MYO15B: variants seen among roughly 807,000 people sequenced by gnomAD.
The protein encoded by MYO15B is myosin XVB.
A neutral mutation model predicts 119.3 loss-of-function variants in MYO15B; 207 were observed. The ratio of observed to expected loss-of-function variants is 1.73; its 90% CI spans 1.55 to 1.95. The LOEUF is 1.95. Ranked by LOEUF, MYO15B falls within the 30% of genes most tolerant of loss-of-function variation. MYO15B has a pLI of 0.00. For synonymous variants in MYO15B, 966 were observed against 498.9 expected (o/e 1.94, Z -12.48); for missense variants, 2,264 against 1,203.1 (o/e 1.88, Z -13.04).
intron 19 of MYO15B, among the ~76,000 whole-genome samples, chr17:75,603,627 A>G (rs2057431560): frequency 6.6e-6 from 1 of 150,728 alleles, no homozygotes; most frequent in African/African-American, 2.4e-5. Context: ...CTCACGGTCT[A>G]GTGCCCACAG....
chr17:75,616,797 CG>C lies in MYO15B; in HGVS notation c.6506+16del, dbSNP rs2058401081. 4.3e-6 allele frequency: 3 copies of C among 702,998 alleles called. No individual in the cohort carries two copies. The East Asian group carries it at 8.0e-5, about 19-fold the overall frequency. The allele number at this position is 702,998 out of a possible 1,614,324, so 43.5% of individuals were successfully genotyped here. ...GTGCAGCCATCCAGGTGGGCCCCCA[CG>C]GGGAGGTGGCCAGGGCTGTCCCGCT... On this transcript the variant is annotated intron_variant, in intron 39 of 63. Transcript: ENST00000645453.
chr17:75,594,447 A>C (rs2056714393), intron 9 of MYO15B, 28 bp from the exon 10 acceptor site: 1 of 589,170 alleles, frequency 1.7e-6, no homozygotes, highest in African/African-American at 1.9e-5. Context: ...TGAAGCAGAG[A>C]TCTCCCTGTC....
intron 21 of MYO15B, 26 bp from the exon 22 acceptor site, chr17:75,610,140 C>G (rs776525850): frequency 1.5e-6 from 1 of 687,146 alleles, no homozygotes; most frequent in Non-Finnish European, 2.7e-6. Context: ...CTCTTCATTT[C>G]GCCCCCGCTC....
At chr17:75,607,731 G>C (rs1309773625) in intron 21 of MYO15B, among the ~76,000 whole-genome samples, 1 of 152,130 alleles carries the variant, frequency 6.6e-6, no homozygotes, top group Non-Finnish European at 1.5e-5. Flanking sequence ...AAAGTGCTGG[G>C]ATTACAGGCG....
intron 45 of MYO15B, 57 bp from the exon 46 acceptor site, chr17:75,619,624 C>T: frequency 5.7e-6 from 4 of 697,638 alleles, no homozygotes; most frequent in Non-Finnish European, 1.0e-5. Flanking sequence ...AGCTCCAGGG[C>T]ATCTTGGGCA....
chr17:75,615,500 C>T lies in MYO15B; in HGVS notation c.5741-3C>T, dbSNP rs954520751. On this transcript the variant is annotated splice_polypyrimidine_tract_variant and splice_region_variant and intron_variant, in intron 34 of 63. Coordinates refer to ENST00000645453, the Ensembl canonical transcript of MYO15B. The stretch of plus-strand genomic sequence containing the variant: ...CCACTCTGGCCGCCTGCCGCCCTCA[C>T]AGCCATGGTGGTGCCGCCGCAGCCA... 1.4e-6 allele frequency: 1 copy of T among 691,748 alleles called. No homozygotes were observed. 42.9% of individuals were successfully genotyped at this position (691,748 alleles called of 1,614,324 possible).
At chr17:75,620,495 T>C in exon 49 of MYO15B, 1 of 702,708 alleles carries the variant, frequency 1.4e-6, no homozygotes, top group Non-Finnish European at 2.6e-6. Context: ...CCGGGGGCCG[T>C]TCCGGACTCT....
rs117785251 is a variant in MYO15B, at chr17:75,591,675, G to T, written c.2510G>T (p.Ser837Ile). The T allele has an allele frequency of 6.7e-3, 4,735 of 702,988 alleles. 26 individuals carry two copies. The highest frequency in any genetic ancestry group is 9.4e-3 in the Non-Finnish European group (3,624 of 384,974). The allele number at this position is 702,988 out of a possible 1,614,324, so 43.5% of individuals were successfully genotyped here. Residue 837 changes from serine to isoleucine, a missense_variant, in exon 5 of 64, where the codon AGC (serine) becomes ATC (isoleucine). Transcript: ENST00000645453. ...AAAAAGATCATGCAGTTCCTAAGCA[G>T]CCTGGAGCAGGATCAGACGGGGAAC...
At chr17:75,622,916 G>T (rs1368360688) in intron 53 of MYO15B, among the ~76,000 whole-genome samples, 1 of 152,198 alleles carries the variant, frequency 6.6e-6, no homozygotes, top group African/African-American at 2.4e-5. Context: ...CAGGCACCAG[G>T]AGTCATCAAA....
intron 4 of MYO15B, 84 bp from the exon 5 acceptor site, chr17:75,591,517 G>C: frequency 1.4e-6 from 1 of 694,744 alleles, no homozygotes; most frequent in South Asian, 1.5e-5. Flanking sequence ...TGTCACTTCT[G>C]GGTGGCACAT....
intron 14 of MYO15B, among the ~76,000 whole-genome samples, chr17:75,600,317 G>A (rs971157263): frequency 1.8e-4 from 28 of 151,690 alleles, no homozygotes; most frequent in Middle Eastern, 3.3e-3. Flanking sequence ...GTGAGCCACC[G>A]CGTCCGGCCT....
At chr17:75,616,378 C>T (rs143706692) in exon 38 of MYO15B, 9 of 617,006 alleles carry the variant, frequency 1.5e-5, no homozygotes, top group South Asian at 3.9e-5. Flanking sequence ...CAGGGGGAAG[C>T]GCAGGAGGAG....
At chr17:75,618,519 C>T (rs570767736) in intron 43 of MYO15B, among the ~76,000 whole-genome samples, 2 of 152,162 alleles carry the variant, frequency 1.3e-5, no homozygotes, top group African/African-American at 4.8e-5. Flanking sequence ...CGTGGTGGCA[C>T]GCACCTGTAA....
At chr17:75,614,341 C>T (rs1251249414) in exon 30 of MYO15B, 3 of 702,628 alleles carry the variant, frequency 4.3e-6, no homozygotes, top group Non-Finnish European at 7.8e-6. Context: ...CCGCAGCTAC[C>T]CCATCACTCC....
At chr17:75,611,568 G>T in intron 23 of MYO15B, 33 bp from the exon 24 acceptor site, 1 of 702,488 alleles carries the variant, frequency 1.4e-6, no homozygotes, top group Non-Finnish European at 2.6e-6. Context: ...GGCCCCTCCT[G>T]TGGATCCTGG....
At chr17:75,617,577 G>GACACA (rs1555693718) in intron 41 of MYO15B, 1 of 495,992 alleles carries the variant, frequency 2.0e-6, no homozygotes, top group South Asian at 2.3e-5. Context: ...GAGGAAGTTA[G>GACACA]TGGCCCTGGC....
exon 36 of MYO15B, chr17:75,615,870 G>A (rs1015916114): frequency 4.3e-6 from 3 of 692,522 alleles, no homozygotes; most frequent in South Asian, 1.5e-5. Context: ...GGGATCAGAG[G>A]GTGGCTGCCT....
chr17:75,610,257 C>A, exon 22 of MYO15B: 1 of 699,514 alleles, frequency 1.4e-6, no homozygotes, highest in Admixed American at 2.0e-5. Context: ...GCAGAGACTG[C>A]AGGTGCAGGG....
intron 40 of MYO15B, 26 bp from the exon 41 acceptor site, chr17:75,617,059 C>T: frequency 5.8e-6 from 4 of 686,914 alleles, no homozygotes; most frequent in South Asian, 3.0e-5. Flanking sequence ...TGACTCAGCC[C>T]GTGTACTTTC....
Sources: gnomAD v4.1 joint callset for allele counts (sites outside exome capture counted in the v4.1 genomes callset) on GRCh38, gnomAD v4.1.1 for gene constraint, MANE v1.5 for transcripts, NCBI Gene and HGNC (gene_info 2026-07-23, HGNC 2026-07-21) for gene names.